Variants in IGF2R observed in about 807,000 individuals in gnomAD.
The protein encoded by IGF2R is cation-independent mannose-6-phosphate receptor.
A neutral mutation model predicts 270.6 loss-of-function variants in IGF2R; 91 were observed. The ratio of observed to expected loss-of-function variants is 0.34; its 90% CI spans 0.28 to 0.40. The LOEUF is 0.40. Ranked by LOEUF, IGF2R falls within the 10% of genes least tolerant of loss-of-function variation. IGF2R has a pLI of 1.00. For missense variants in IGF2R, 2,805 were observed against 3,188.3 expected (o/e 0.88, Z 2.90); for synonymous variants, 1,316 against 1,258.9 (o/e 1.05, Z -0.96).
At chr6:160,015,920 A>C (rs9365122) in intron 4 of IGF2R, among the ~76,000 whole-genome samples, 43,444 of 152,084 alleles carry the variant, frequency 0.29, 6,307 homozygotes, top group South Asian at 0.34. Flanking sequence ...TTTTGCTGTG[A>C]GATATGCTTG....
intron 11 of IGF2R, among the ~76,000 whole-genome samples, chr6:160,042,804 C>T (rs1325281706): frequency 6.6e-6 from 1 of 152,214 alleles, no homozygotes; most frequent in Non-Finnish European, 1.5e-5. Flanking sequence ...TACTGCGTCC[C>T]AAGACACAGG....
rs773991755 is a variant in IGF2R at position 160,085,103 on chromosome 6, C to G, written c.6177C>G (p.Leu2059=). Residue 2059 remains leucine, a synonymous_variant, in exon 41 of 48, where the codon CTC becomes CTG. Coordinates refer to ENST00000356956, the MANE Select transcript of IGF2R (RefSeq NM_000876.4). The part of the protein sequence containing the change: ...TTTGDVQVLG[L]VHTQKLGVIG... ...CTGGTGACGTCCAGGTCCTGGGACT[C>G]GTTCACACGCAGAAGCTGGGTGTCA... The G allele has an allele frequency of 6.2e-7, 1 of 1,613,734 alleles. No homozygotes were observed. The highest frequency in any genetic ancestry group is 1.1e-5 in the South Asian group (1 of 91,058).
At chr6:160,078,981 C>T (rs1296893629) in intron 37 of IGF2R, among the ~76,000 whole-genome samples, 1 of 152,178 alleles carries the variant, frequency 6.6e-6, no homozygotes, top group Admixed American at 6.5e-5. Context: ...TAGATGTTAC[C>T]ATGCCAGTGC....
Position 160,032,829 on chromosome 6 carries a change from A to G in IGF2R, c.1046-113A>G, listed in dbSNP as rs1777728006. ...ATGCTTCTGGGTTGGAGAGAGCTGT[A>G]GTTTGGGCTGGTGTTTCAGAAATAG... On this transcript the variant is annotated intron_variant, in intron 8 of 47. Transcript: ENST00000356956. 3.4e-5 allele frequency: 48 copies of G among 1,396,934 alleles called. No homozygotes were observed. In the Middle Eastern group the frequency reaches 7.6e-4, roughly 22 times the overall value. 86.5% of individuals were successfully genotyped at this position (1,396,934 alleles called of 1,614,324 possible).
chr6:160,044,172 C>T (rs567060625), intron 12 of IGF2R, among the ~76,000 whole-genome samples: 3 of 152,330 alleles, frequency 2.0e-5, no homozygotes, highest in Admixed American at 6.5e-5. Flanking sequence ...CAGTAGGGGA[C>T]AATGTCAGTT....
Position 160,050,525 on chromosome 6 carries a change from G to A in IGF2R, c.2567G>A (p.Gly856Asp), listed in dbSNP as rs1022077229. 1 of 1,614,116 alleles carries A rather than the reference G, an allele frequency of 6.2e-7. No homozygotes were observed. The highest frequency in any genetic ancestry group is 1.7e-4 in the Middle Eastern group (1 of 6,060). Reference protein sequence around the residue: ...SISNLGMAKTGPVVEDSGSLL... With the variant: ...SISNLGMAKTDPVVEDSGSLL... ...AGTAACTTGGGAATGGCAAAGACCGGCCCGGTGGTTGAGGACAGCGGCAGC... is the reference window on the plus strand; with the variant it reads ...AGTAACTTGGGAATGGCAAAGACCGACCCGGTGGTTGAGGACAGCGGCAGC... Residue 856 changes from glycine (G) to aspartate (D), a missense_variant, in exon 19 of 48, where the codon GGC becomes GAC. Gly to Asp is a moderately conservative substitution (Grantham distance 94). Around this residue, in one of 2 missense-constraint regions of IGF2R, gnomAD observed 1,851 missense variants for 2,207.2 expected, o/e 0.84. Transcript: ENST00000356956. The surrounding 1 kb of genome is among the most constrained non-coding windows in gnomAD (Gnocchi z 4.0).
chr6:159,990,264 C>T (rs7761710), intron 1 of IGF2R, among the ~76,000 whole-genome samples: 1,772 of 152,248 alleles, frequency 0.012, 46 homozygotes, highest in African/African-American at 0.041. Context: ...CAAATCTCAG[C>T]TTGTAGTTCC....
In IGF2R at chr6:159,991,309, C is replaced by T; in HGVS notation, c.275C>T (p.Thr92Ile). 2 of 1,610,302 alleles carry T rather than the reference C, an allele frequency of 1.2e-6. No homozygotes were observed. The highest frequency in any genetic ancestry group is 8.5e-7 in the Non-Finnish European group (1 of 1,178,686). ...AVCMHDLKTR[T>I]YHSVGDSVLR... ...TGTATGCACGACTTGAAGACACGCA[C>T]TTATCATTCAGTGGGTAAGTAGAAC... Residue 92 changes from threonine (T) to isoleucine (I), a missense_variant, in exon 2 of 48, where the codon ACT becomes ATT. By Grantham distance (89) the Thr-to-Ile change is moderately conservative. Transcript: ENST00000356956.
chr6:159,992,321 AC>A (rs1404612922), intron 2 of IGF2R, among the ~76,000 whole-genome samples: 12 of 152,108 alleles, frequency 7.9e-5, no homozygotes, highest in African/African-American at 2.4e-5. Context: ...AATACCCGTC[AC>A]CCGAATAGTG....
At position 160,027,311 on chromosome 6, in the gene IGF2R, A is replaced by G. The variant is rs750215733; in HGVS notation, c.773A>G (p.Asp258Gly). ...GACGGACTGAAGCTGGTGCGCAAGG[A>G]CAGGTCAGTCAAGGCCTCCGATGCT... The part of the protein sequence containing the change: ...PRDGLKLVRK[D>G]RLVLSYVREE... The change falls in exon 6 of 48, where the codon GAC becomes GGC. Residue 258 changes from aspartate (D) to glycine (G), a missense_variant. By Grantham distance (94) the Asp-to-Gly change is moderately conservative. Transcript: ENST00000356956. 1.2e-6 allele frequency: 2 copies of G among 1,612,772 alleles called. No homozygotes were observed. Among genetic ancestry groups the G allele is most frequent in the Middle Eastern group, 1.7e-4 (1 of 5,810 alleles).
intron 19 of IGF2R, 148 bp from the exon 20 acceptor site, chr6:160,056,276 A>G (rs904072669): frequency 1.1e-5 from 7 of 635,536 alleles, no homozygotes; most frequent in Non-Finnish European, 2.0e-5. Flanking sequence ...CTAATTAGGT[A>G]ATGCACATTA....
At chr6:159,987,847 C>T (rs967565655) in intron 1 of IGF2R, among the ~76,000 whole-genome samples, 12 of 152,172 alleles carry the variant, frequency 7.9e-5, no homozygotes, top group Non-Finnish European at 1.3e-4. Flanking sequence ...TTGGTGCCTT[C>T]GCCTCAAGTG....
rs778701526 is a variant in IGF2R at position 160,064,428 on chromosome 6, A to G, written c.3914A>G (p.Glu1305Gly). Residue 1305 changes from glutamate (E) to glycine (G), a missense_variant, in exon 28 of 48, where the codon GAA becomes GGA. Around this residue, in one of 2 missense-constraint regions of IGF2R, gnomAD observed 1,851 missense variants for 2,207.2 expected, o/e 0.84. Transcript: ENST00000356956. ...CTCCTGACTCAGAAGCTAACTTATG[A>G]AAATGGCTTGTTAAAAATGAACTTC... ...AGLLTQKLTY[E>G]NGLLKMNFTG... 14 of 1,614,114 alleles carry G rather than the reference A, an allele frequency of 8.7e-6. No individual in the cohort carries two copies. Among genetic ancestry groups the G allele is most frequent in the Non-Finnish European group, 1.2e-5 (14 of 1,180,048 alleles).
At chr6:160,072,086 C>A in intron 32 of IGF2R, 50 bp downstream of exon 32, 1 of 1,609,502 alleles carries the variant, frequency 6.2e-7, no homozygotes, top group African/African-American at 1.3e-5. Context: ...GAGACGGTGC[C>A]CCCACCAAAC....
At chr6:160,063,756 G>A (rs1583287285) in intron 27 of IGF2R, 126 bp downstream of exon 27, 7 of 644,222 alleles carry the variant, frequency 1.1e-5, no homozygotes, top group African/African-American at 1.9e-5. Flanking sequence ...AAAAAAAAAA[G>A]CATATTAATG....
In IGF2R at chr6:160,043,306, G is replaced by A. The variant is rs752296831; in HGVS notation, c.1621+18G>A. 24 of 1,607,552 alleles carry A rather than the reference G, an allele frequency of 1.5e-5. No individual in the cohort carries two copies. The highest frequency in any genetic ancestry group is 2.0e-5 in the Non-Finnish European group (23 of 1,176,826). ...TGCAGTGGGTGAGTTGTGCCTGGAT[G>A]GAAGATCTAGGTGATGCTTTTCTAG... On this transcript the variant is annotated intron_variant, in intron 12 of 47. Transcript: ENST00000356956.
Position 160,073,988 on chromosome 6 carries a change from A to G in IGF2R, c.5166+13A>G, listed in dbSNP as rs1432670863. 6.3e-7 allele frequency: 1 copy of G among 1,588,792 alleles called. No homozygotes were observed. The highest frequency in any genetic ancestry group is 1.3e-5 in the African/African-American group (1 of 74,526). Reference sequence around the variant, plus strand: ...TGGTCCCCCCATAGTAAGTATGACAAATCCAAGGGTGGAGATAATTTTTGC... The same window carrying G: ...TGGTCCCCCCATAGTAAGTATGACAGATCCAAGGGTGGAGATAATTTTTGC... On this transcript the variant is annotated intron_variant, in intron 35 of 47. Coordinates refer to ENST00000356956, the MANE Select transcript of IGF2R (RefSeq NM_000876.4).
intron 16 of IGF2R, 49 bp downstream of exon 16, chr6:160,047,385 T>C: frequency 2.1e-6 from 3 of 1,446,026 alleles, no homozygotes; most frequent in Non-Finnish European, 2.8e-6. Flanking sequence ...CTCATGCCTG[T>C]GGTGGGCCTT....
At chr6:160,049,933 T>C (rs1778155991) in intron 18 of IGF2R, among the ~76,000 whole-genome samples, 1 of 152,124 alleles carries the variant, frequency 6.6e-6, no homozygotes, top group Non-Finnish European at 1.5e-5. Context: ...CAAATTCACC[T>C]CCCTAAGGAA....
Sources: allele counts gnomAD v4.1 joint callset (sites outside exome capture counted in the v4.1 genomes callset), GRCh38; gene constraint gnomAD v4.1.1; regional missense constraint gnomAD v4.1.1; non-coding constraint Gnocchi (gnomAD v3.1); transcripts MANE v1.5; gene names NCBI Gene and HGNC (gene_info 2026-07-23, HGNC 2026-07-21).